The following CELF2 variants were observed in gnomAD, a reference collection of about 807,000 sequenced individuals.
CELF2 encodes CUG triplet repeat RNA-binding protein 2.
In CELF2, 8 loss-of-function variants were observed where a neutral mutation model predicts 62.6. The observed-to-expected ratio is 0.13, with a 90% CI of 0.07 to 0.23. The LOEUF (loss-of-function observed/expected upper bound fraction) is 0.23, where lower values mean the gene tolerates loss of function less well. Ranked by LOEUF, CELF2 falls within the 10% of genes least tolerant of loss-of-function variation. The pLI, the probability that CELF2 is intolerant of heterozygous loss-of-function variation, is 1.00. For synonymous variants in CELF2, 258 were observed against 250.0 expected, an observed-to-expected ratio of 1.03 and a Z score of -0.30; for missense variants, 333 against 671.0, an observed-to-expected ratio of 0.50 and a Z score of 5.56.
At position 11,223,406 on chromosome 10, in the gene CELF2, T is replaced by C. The variant is rs2065488453; in HGVS notation, c.354+5899T>C. On this transcript the variant is annotated intron_variant, in intron 3 of 12. Transcript: ENST00000633077. The surrounding 1 kb of genome is among the most constrained non-coding windows in gnomAD (Gnocchi z 5.1). ...TGTATTCTGCTGCGGAATGTGTCAG[T>C]CAGGACATCCATTTGGTGCAGATGC... Among the ~76,000 whole-genome samples, 1 of 152,220 alleles carries C rather than the reference T, an allele frequency of 6.6e-6. No homozygotes were observed. Among genetic ancestry groups the C allele is most frequent in the Non-Finnish European group, 1.5e-5 (1 of 68,042 alleles).
At chr10:10,666,065 G>C in the CELF2 span, among the ~76,000 whole-genome samples, 18 of 152,186 alleles carry the variant, frequency 1.2e-4, no homozygotes, top group African/African-American at 4.3e-4. Flanking sequence ...CTCTGTTGCA[G>C]CCCTGGCTGT....
intron 1 of CELF2, among the ~76,000 whole-genome samples, chr10:10,892,151 ATAAT>A (rs1293518379): frequency 1.3e-5 from 2 of 152,228 alleles, no homozygotes; most frequent in African/African-American, 4.8e-5. Flanking sequence ...AGAGCAAGAA[ATAAT>A]TAAGAAAGCA....
chr10:10,663,967 C>A, the CELF2 span, among the ~76,000 whole-genome samples: 11 of 152,062 alleles, frequency 7.2e-5, no homozygotes, highest in Admixed American at 5.9e-4. Flanking sequence ...ATTTATTTAG[C>A]CTGCTAGAGC....
chr10:10,698,128 A>G, the CELF2 span, among the ~76,000 whole-genome samples: 1 of 152,218 alleles, frequency 6.6e-6, no homozygotes, highest in Non-Finnish European at 1.5e-5. Flanking sequence ...TGGTGTGATA[A>G]CATCAAGCCA....
chr10:10,571,439 A>G, the CELF2 span, among the ~76,000 whole-genome samples: 1 of 152,176 alleles, frequency 6.6e-6, no homozygotes, highest in Admixed American at 6.6e-5. Context: ...ATAATATAAT[A>G]TTTCTCCAGA....
intron 2 of CELF2, chr10:11,171,343 G>A (rs757631235): frequency 6.6e-6 from 1 of 152,240 alleles, no homozygotes; most frequent in Non-Finnish European, 1.5e-5. Context: ...TGCAGTGAGG[G>A]TTACACTGGG....
At chr10:10,507,910 C>T in the CELF2 span, among the ~76,000 whole-genome samples, 109 of 152,256 alleles carry the variant, frequency 7.2e-4, no homozygotes, top group African/African-American at 2.5e-3. Context: ...AGCCCGGTTC[C>T]AGGGCTAGCA....
At chr10:10,607,492 A>C in the CELF2 span, among the ~76,000 whole-genome samples, 9 of 152,296 alleles carry the variant, frequency 5.9e-5, no homozygotes, top group South Asian at 1.7e-3. Context: ...AAAAAGCAGC[A>C]GGTGTTTTTC....
intron 2 of CELF2, among the ~76,000 whole-genome samples, chr10:11,176,792 C>A (rs1359968402): frequency 6.6e-6 from 1 of 152,126 alleles, no homozygotes; most frequent in Non-Finnish European, 1.5e-5. Flanking sequence ...CAAGGCGTTA[C>A]TTTTGGGTAA....
At chr10:10,992,547 A>T (rs1288617298) in intron 2 of CELF2, among the ~76,000 whole-genome samples, 6 of 152,216 alleles carry the variant, frequency 3.9e-5, no homozygotes, top group Non-Finnish European at 8.8e-5. Flanking sequence ...AATCCAATCT[A>T]ACACAAAATT....
At chr10:10,512,670 T>A in the CELF2 span, among the ~76,000 whole-genome samples, 1 of 152,070 alleles carries the variant, frequency 6.6e-6, no homozygotes, top group African/African-American at 2.4e-5. Context: ...CCACCTCAGC[T>A]TCCCAAAGTG....
chr10:11,303,547 A>T (rs1381100204), intron 9 of CELF2, among the ~76,000 whole-genome samples: 29 of 152,234 alleles, frequency 1.9e-4, no homozygotes, highest in Non-Finnish European at 2.9e-5. Flanking sequence ...CCCGCTGTGC[A>T]TCAGACATCA....
chr10:11,090,326 G>GT (rs1482843559), intron 1 of CELF2, among the ~76,000 whole-genome samples: 3 of 152,142 alleles, frequency 2.0e-5, no homozygotes, highest in Admixed American at 1.3e-4. Flanking sequence ...ATAAATGGTA[G>GT]TTTTTTCCTC....
At chr10:11,037,830 A>C (rs145831453) in intron 1 of CELF2, among the ~76,000 whole-genome samples, 102 of 152,312 alleles carry the variant, frequency 6.7e-4, no homozygotes, top group Non-Finnish European at 1.2e-3. Context: ...CTTCTAGTTC[A>C]TGGTCCTATG....
At chr10:10,605,565 G>C in the CELF2 span, among the ~76,000 whole-genome samples, 1 of 152,230 alleles carries the variant, frequency 6.6e-6, no homozygotes, top group African/African-American at 2.4e-5. Context: ...GCAAATCAGA[G>C]TGCGTGGTTG....
the CELF2 span, among the ~76,000 whole-genome samples, chr10:10,465,943 A>G: frequency 1.8e-3 from 278 of 152,236 alleles, 3 homozygotes; most frequent in African/African-American, 6.3e-3. Context: ...AATGCCCCCA[A>G]GACTGTAGAG....
the CELF2 span, among the ~76,000 whole-genome samples, chr10:10,685,312 C>G: frequency 6.6e-6 from 1 of 152,172 alleles, no homozygotes; most frequent in South Asian, 2.1e-4. Context: ...TCTTTCCGTT[C>G]TTTAGGCAAA....
the CELF2 span, among the ~76,000 whole-genome samples, chr10:10,704,679 A>G: frequency 6.6e-6 from 1 of 152,208 alleles, no homozygotes; most frequent in African/African-American, 2.4e-5. Context: ...TAGTTAACTC[A>G]TAGGCAGGCA....
At position 11,246,694 on chromosome 10, in the gene CELF2, C is replaced by T. The variant is rs866791040; in HGVS notation, c.355-2459C>T. Among the ~76,000 whole-genome samples the T allele has an allele frequency of 6.6e-6, 1 of 152,226 alleles. No individual in the cohort carries two copies. The highest frequency in any genetic ancestry group is 2.1e-4 in the South Asian group (1 of 4,832). Reference sequence around the variant, plus strand: ...AGCTCCTCCTGCCCCTCACTCTGCTCTCCTTGGACTCCTCTTTCCTGGTAT... The same window carrying T: ...AGCTCCTCCTGCCCCTCACTCTGCTTTCCTTGGACTCCTCTTTCCTGGTAT... On this transcript the variant is annotated intron_variant, in intron 3 of 12. Coordinates refer to ENST00000633077, the MANE Select transcript of CELF2 (RefSeq NM_001326342.2). The surrounding 1 kb of genome is among the most constrained non-coding windows in gnomAD (Gnocchi z 4.6).
Sources: allele counts gnomAD v4.1 joint callset (sites outside exome capture counted in the v4.1 genomes callset), GRCh38; gene constraint gnomAD v4.1.1; non-coding constraint Gnocchi (gnomAD v3.1); transcripts MANE v1.5; gene names NCBI Gene and HGNC (gene_info 2026-07-23, HGNC 2026-07-21).